The following KLF15 variants were observed in gnomAD, a reference collection of about 807,000 sequenced individuals.
KLF15 encodes Krueppel-like factor 15.
Under a neutral mutation model 24.6 loss-of-function variants are expected in KLF15, and 4 were observed. The ratio of observed to expected loss-of-function variants is 0.16; its 90% confidence interval spans 0.08 to 0.37. KLF15 has a LOEUF of 0.37. Among genes scored for constraint, KLF15 ranks in the 10% least tolerant of loss-of-function variants. The probability of loss-of-function intolerance (pLI) is 1.00; values close to 1 mark genes in which losing one functional copy is unlikely to be tolerated. For missense variants in KLF15, 496 were observed against 560.6 expected (o/e 0.88, Z 1.16); for synonymous variants, 246 against 236.3 (o/e 1.04, Z -0.37).
Position 126,352,390 on chromosome 3 carries a change from T to G in KLF15, c.533A>C (p.His178Pro). 6.2e-7 allele frequency: 1 copy of G among 1,612,836 alleles called. No homozygotes were observed. The change falls in exon 2 of 3, where the codon CAC becomes CCC. Residue 178 changes from histidine (H) to proline (P), a missense_variant. By Grantham distance (77) the His-to-Pro change is moderately conservative. Transcript: ENST00000296233. ...GGACCCAGGATGGAGGTGGCTCTTG[T>G]GTGGCCCAGCTGAGAGCTGGCTGCA... The part of the protein sequence containing the change: ...DACSQLSAGP[H>P]KSHLHPGSSG...
chr3:126,352,873 C>T lies in KLF15; in HGVS notation c.50G>A (p.Cys17Tyr). 6.2e-7 allele frequency: 1 copy of T among 1,612,110 alleles called. No individual in the cohort carries two copies. Among genetic ancestry groups the T allele is most frequent in the South Asian group, 1.1e-5 (1 of 90,914 alleles). Residue 17 changes from cysteine (C) to tyrosine (Y), a missense_variant, in exon 2 of 3, where the codon TGC becomes TAC. Around this residue, in one of 3 missense-constraint regions of KLF15, gnomAD observed 399 missense variants for 423.1 expected, o/e 0.94. Coordinates refer to ENST00000296233, the MANE Select transcript of KLF15 (RefSeq NM_014079.4). ...CCTATCACCCAGATACCCAACTGGG[C>T]ATTTTGGCGACGAGAAGTTCTCGTC... Reference protein sequence around the residue: ...PVDENFSSPKCPVGYLGDRLV... With the variant: ...PVDENFSSPKYPVGYLGDRLV...
At chr3:126,304,084 G>A in the KLF15 span, among the ~76,000 whole-genome samples, 1 of 152,042 alleles carries the variant, frequency 6.6e-6, no homozygotes, top group Non-Finnish European at 1.5e-5. Context: ...TTTAGTAACG[G>A]TCATATTTTT....
chr3:126,321,902 T>G, the KLF15 span, among the ~76,000 whole-genome samples: 1 of 152,122 alleles, frequency 6.6e-6, no homozygotes, highest in Non-Finnish European at 1.5e-5. Flanking sequence ...TTTACAGAAG[T>G]CAGATGCCCA....
chr3:126,345,453 G>T (rs1198099380), intron 2 of KLF15, among the ~76,000 whole-genome samples: 1 of 151,982 alleles, frequency 6.6e-6, no homozygotes, highest in African/African-American at 2.4e-5. Context: ...ACACTGTCAA[G>T]GAGCAGTCCC....
chr3:126,330,151 G>C, the KLF15 span, among the ~76,000 whole-genome samples: 1 of 152,182 alleles, frequency 6.6e-6, no homozygotes, highest in African/African-American at 2.4e-5. Flanking sequence ...AAGGCGAAAT[G>C]TGAGCAACAT....
the KLF15 span, among the ~76,000 whole-genome samples, chr3:126,316,073 T>G: frequency 7.2e-5 from 11 of 152,330 alleles, no homozygotes; most frequent in African/African-American, 2.4e-4. Context: ...TAAAGGGTTG[T>G]AAGAGACAAG....
downstream of KLF15, among the ~76,000 whole-genome samples, chr3:126,340,418 CAA>C (rs1411810307): frequency 6.6e-6 from 1 of 152,258 alleles, no homozygotes; most frequent in African/African-American, 2.4e-5. Context: ...GGAGGAGCAA[CAA>C]GAGCGAAGGA....
chr3:126,323,870 T>C, the KLF15 span, among the ~76,000 whole-genome samples: 1 of 151,986 alleles, frequency 6.6e-6, no homozygotes, highest in Non-Finnish European at 1.5e-5. Flanking sequence ...GGCTTCCAGC[T>C]TCTCCATGTT....
downstream of KLF15, among the ~76,000 whole-genome samples, chr3:126,342,406 G>A (rs1008034755): frequency 6.6e-6 from 1 of 152,178 alleles, no homozygotes; most frequent in Non-Finnish European, 1.5e-5. Context: ...GGTTTACGGA[G>A]CTCCAGGTCA....
chr3:126,295,808 C>T, the KLF15 span, among the ~76,000 whole-genome samples: 1 of 152,182 alleles, frequency 6.6e-6, no homozygotes, highest in Admixed American at 6.5e-5. Flanking sequence ...GATTCTTCAC[C>T]CACCACCATC....
chr3:126,304,339 T>A, the KLF15 span, among the ~76,000 whole-genome samples: 1 of 152,226 alleles, frequency 6.6e-6, no homozygotes, highest in African/African-American at 2.4e-5. Flanking sequence ...TGGTATCTAA[T>A]GCTGTGTGAA....
At chr3:126,308,611 G>A in the KLF15 span, among the ~76,000 whole-genome samples, 1 of 152,202 alleles carries the variant, frequency 6.6e-6, no homozygotes, top group Non-Finnish European at 1.5e-5. Context: ...GGTGTGGCTG[G>A]TATTAGGGCT....
chr3:126,333,482 G>A, the KLF15 span, among the ~76,000 whole-genome samples: 9 of 137,760 alleles, frequency 6.5e-5, no homozygotes, highest in African/African-American at 2.2e-4. Flanking sequence ...AAAATGTAAA[G>A]ACCATCGAGA....
downstream of KLF15, among the ~76,000 whole-genome samples, chr3:126,342,134 GTCTCACC>G (rs2082483599): frequency 6.6e-6 from 1 of 152,164 alleles, no homozygotes; most frequent in Non-Finnish European, 1.5e-5. Context: ...GCCTCTCCGA[GTCTCACC>G]TCTGCCTGCT....
downstream of KLF15, among the ~76,000 whole-genome samples, chr3:126,339,430 G>A (rs924348813): frequency 8.5e-5 from 13 of 152,176 alleles, no homozygotes; most frequent in Admixed American, 3.3e-4. Flanking sequence ...ACAGCAGGGC[G>A]TTTCTCGTGC....
chr3:126,347,279 C>T (rs1255962767), intron 2 of KLF15, among the ~76,000 whole-genome samples: 2 of 152,192 alleles, frequency 1.3e-5, no homozygotes, highest in African/African-American at 4.8e-5. Flanking sequence ...AAATGGTGCT[C>T]CCTAGAGTTG....
At chr3:126,321,033 C>T in the KLF15 span, among the ~76,000 whole-genome samples, 2 of 151,900 alleles carry the variant, frequency 1.3e-5, no homozygotes, top group African/African-American at 2.4e-5. Flanking sequence ...CTGGAGCTGG[C>T]GGGGACTTGA....
Position 126,352,769 on chromosome 3 carries a change from A to C in KLF15, c.154T>G (p.Cys52Gly). ...AGGGCTTGAGAGTCGGGACTGGAACAGGAGCAGGGGCTGGAGGCATCGCTG... is the reference window on the plus strand; with the variant it reads ...AGGGCTTGAGAGTCGGGACTGGAACCGGAGCAGGGGCTGGAGGCATCGCTG... The part of the protein sequence containing the change: ...DDSDASSPCS[C>G]SSPDSQALCS... Residue 52 changes from cysteine to glycine, a missense_variant, in exon 2 of 3, where the codon TGT (cysteine) becomes GGT (glycine). Transcript: ENST00000296233. 1 of 1,576,304 alleles carries C rather than the reference A, an allele frequency of 6.3e-7. No homozygotes were observed. Among genetic ancestry groups the C allele is most frequent in the Non-Finnish European group, 8.6e-7 (1 of 1,160,660 alleles).
the KLF15 span, among the ~76,000 whole-genome samples, chr3:126,308,634 C>A: frequency 1.3e-5 from 2 of 152,212 alleles, no homozygotes; most frequent in African/African-American, 4.8e-5. Flanking sequence ...GCGCGAAGGC[C>A]TCACAGGGGC....
Sources: gnomAD v4.1 joint callset for allele counts (sites outside exome capture counted in the v4.1 genomes callset) on GRCh38, gnomAD v4.1.1 for gene constraint, gnomAD v4.1.1 regional missense constraint, MANE v1.5 for transcripts, NCBI Gene and HGNC (gene_info 2026-07-23, HGNC 2026-07-21) for gene names.